The following ARNT2 variants were observed in gnomAD, a reference collection of about 807,000 sequenced individuals.
ARNT2 encodes the protein aryl hydrocarbon receptor nuclear translocator 2, also known as ARNT protein 2.
Under a neutral mutation model 91.7 loss-of-function variants are expected in ARNT2, and 36 were observed. The ratio of observed to expected loss-of-function variants is 0.39; its 90% CI spans 0.30 to 0.52. The LOEUF (loss-of-function observed/expected upper bound fraction) is 0.52, where lower values mean the gene tolerates loss of function less well. Ranked by LOEUF, ARNT2 falls within the 20% of genes least tolerant of loss-of-function variation. ARNT2 has a pLI of 0.72. For synonymous variants in ARNT2, 365 were observed against 347.1 expected (o/e 1.05, Z -0.57); for missense variants, 775 against 939.3 (o/e 0.83, Z 2.29).
intron 2 of ARNT2, among the ~76,000 whole-genome samples, chr15:80,451,211 G>A (rs917838051): frequency 1.3e-5 from 2 of 152,240 alleles, no homozygotes. Flanking sequence ...GCTTGTCCTT[G>A]TGGTGAGAAT....
intron 8 of ARNT2, among the ~76,000 whole-genome samples, chr15:80,535,492 A>G (rs1050522218): frequency 2.6e-5 from 4 of 152,184 alleles, no homozygotes; most frequent in Admixed American, 1.3e-4. Flanking sequence ...GATTTTCTTC[A>G]TTAGTGAAAT....
At chr15:80,457,790 T>C (rs1896500782) in intron 2 of ARNT2, 139 bp from the exon 3 acceptor site, 3 of 835,630 alleles carry the variant, frequency 3.6e-6, no homozygotes, top group South Asian at 3.6e-5. Context: ...TGTAGAGATA[T>C]TGCTTGTAGC....
At chr15:80,575,161 T>C in intron 14 of ARNT2, 51 bp downstream of exon 14, 1 of 1,600,092 alleles carries the variant, frequency 6.2e-7, no homozygotes. Context: ...TTACAGTTGC[T>C]TTCAGGCCAT....
At chr15:80,481,518 G>A (rs777054301) in intron 5 of ARNT2, among the ~76,000 whole-genome samples, 7 of 152,016 alleles carry the variant, frequency 4.6e-5, no homozygotes, top group African/African-American at 7.2e-5. Context: ...GAGACCAGCC[G>A]GAGTATCATA....
At chr15:80,408,729 T>G (rs1895640115) in intron 1 of ARNT2, among the ~76,000 whole-genome samples, 1 of 152,032 alleles carries the variant, frequency 6.6e-6, no homozygotes, top group Non-Finnish European at 1.5e-5. Flanking sequence ...TACGAGCCCA[T>G]CAGTTGCAGG....
chr15:80,554,814 C>A (rs1898147845), intron 10 of ARNT2: 2 of 395,378 alleles, frequency 5.1e-6, no homozygotes, highest in Non-Finnish European at 9.2e-6. Context: ...TCTGAAGCTA[C>A]TGATGTAGTG....
chr15:80,497,510 C>CT (rs1391921007), intron 5 of ARNT2, among the ~76,000 whole-genome samples: 1 of 152,216 alleles, frequency 6.6e-6, no homozygotes, highest in East Asian at 1.9e-4. Context: ...TGCAGGGCCT[C>CT]TAAGTAATAG....
At chr15:80,474,314 C>T (rs1187919243) in intron 4 of ARNT2, among the ~76,000 whole-genome samples, 1 of 152,132 alleles carries the variant, frequency 6.6e-6, no homozygotes, top group Non-Finnish European at 1.5e-5. Context: ...GGTTGATGCT[C>T]CTATCCTCTT....
chr15:80,580,631 T>C, intron 16 of ARNT2, 82 bp downstream of exon 16: 1 of 1,577,114 alleles, frequency 6.3e-7, no homozygotes, highest in Non-Finnish European at 8.6e-7. Flanking sequence ...GGATTGCGGT[T>C]CTGAGGATGG....
rs151072801 is a variant in ARNT2 at position 80,473,757 on chromosome 15, G to T, written c.409-1253G>T. On this transcript the variant is annotated intron_variant, in intron 4 of 18. Coordinates refer to ENST00000303329, the MANE Select transcript of ARNT2 (RefSeq NM_014862.4). The stretch of plus-strand genomic sequence containing the variant: ...ACATTTACAAAGCTCCCTGGGTTCT[G>T]CTCATCAGCATATCAATGTTCCCTA... 1.4e-4 allele frequency among the ~76,000 whole-genome samples: 21 copies of T among 152,298 alleles called. No individual in the cohort carries two copies. In the East Asian group the frequency reaches 3.9e-3, roughly 28 times the overall value.
chr15:80,468,532 C>T (rs929280349), intron 3 of ARNT2, among the ~76,000 whole-genome samples: 2 of 152,058 alleles, frequency 1.3e-5, no homozygotes, highest in Non-Finnish European at 2.9e-5. Flanking sequence ...CTGCTGATCC[C>T]CTCCCCAAAA....
intron 6 of ARNT2, among the ~76,000 whole-genome samples, chr15:80,509,784 G>T (rs1249212218): frequency 6.6e-6 from 1 of 152,174 alleles, no homozygotes; most frequent in Non-Finnish European, 1.5e-5. Context: ...AAGTGCAAAG[G>T]CCTGGAGGCA....
Position 80,514,065 on chromosome 15 carries a change from C to T in ARNT2, c.791+89C>T, listed in dbSNP as rs969636813. 3.8e-6 allele frequency: 5 copies of T among 1,323,762 alleles called. 1 individual carries two copies. Among genetic ancestry groups the T allele is most frequent in the South Asian group, 3.6e-5 (3 of 82,712 alleles). The allele number at this position is 1,323,762 out of a possible 1,614,324, so 82.0% of individuals were successfully genotyped here. On this transcript the variant is annotated intron_variant, in intron 7 of 18. Transcript: ENST00000303329. ...TAAGCAGCCTAGATTAAAGAAGGGG[C>T]TTAGTGTGGTGAGGACCAAGAGAAC... is the stretch of plus-strand genomic sequence containing the variant.
At position 80,591,781 on chromosome 15, in the gene ARNT2, C is replaced by T; in HGVS notation, c.2055+77C>T. ...TTCCTTTCCCCCTCGGTCTCTGCCG[C>T]ACCACCGCCTGCCCGATAGCCGTCG... On this transcript the variant is annotated intron_variant, in intron 18 of 18. Coordinates refer to ENST00000303329, the MANE Select transcript of ARNT2 (RefSeq NM_014862.4). The surrounding 1 kb of genome is among the most constrained non-coding windows in gnomAD (Gnocchi z 5.1). 1 of 1,584,770 alleles carries T rather than the reference C, an allele frequency of 6.3e-7. No homozygotes were observed. The highest frequency in any genetic ancestry group is 8.6e-7 in the Non-Finnish European group (1 of 1,162,090).
At chr15:80,511,394 A>T (rs754744632) in intron 6 of ARNT2, among the ~76,000 whole-genome samples, 14 of 152,146 alleles carry the variant, frequency 9.2e-5, no homozygotes, top group Non-Finnish European at 1.8e-4. Context: ...GGGTGGGAGG[A>T]GGAAGAACAT....
At chr15:80,575,693 G>T (rs909046868) in intron 14 of ARNT2, among the ~76,000 whole-genome samples, 8 of 152,202 alleles carry the variant, frequency 5.3e-5, no homozygotes, top group African/African-American at 1.9e-4. Flanking sequence ...GCACCTGCTG[G>T]CCAGGGGCTG....
At chr15:80,576,476 C>T (rs948347629) in intron 14 of ARNT2, among the ~76,000 whole-genome samples, 1 of 152,076 alleles carries the variant, frequency 6.6e-6, no homozygotes, top group African/African-American at 2.4e-5. Flanking sequence ...AAGGTTTCAC[C>T]ATGTTGGCCA....
intron 4 of ARNT2, among the ~76,000 whole-genome samples, chr15:80,473,028 A>G (rs139450614): frequency 3.3e-5 from 5 of 152,256 alleles, no homozygotes; most frequent in African/African-American, 1.2e-4. Flanking sequence ...TTGGATGGTG[A>G]TGATAATGGT....
intron 1 of ARNT2, among the ~76,000 whole-genome samples, chr15:80,418,124 C>A (rs1427868613): frequency 1.3e-5 from 2 of 152,188 alleles, no homozygotes; most frequent in Admixed American, 1.3e-4. Context: ...TGAAAGGCAT[C>A]TTACCAGCCC....
Sources: gnomAD v4.1 joint callset for allele counts (sites outside exome capture counted in the v4.1 genomes callset) on GRCh38, gnomAD v4.1.1 for gene constraint, Gnocchi (gnomAD v3.1) non-coding constraint, MANE v1.5 for transcripts, NCBI Gene and HGNC (gene_info 2026-07-23, HGNC 2026-07-21) for gene names.